GALNT18: variants seen among roughly 807,000 people sequenced by gnomAD.
GALNT18 encodes GalNAc-transferase 18.
Under a neutral mutation model 69.5 loss-of-function variants are expected in GALNT18, and 44 were observed. The observed-to-expected ratio is 0.63, with a 90% CI of 0.50 to 0.81. The LOEUF (loss-of-function observed/expected upper bound fraction) is 0.81. Among genes scored for constraint, GALNT18 ranks in the 40% least tolerant of loss-of-function variants. The probability of loss-of-function intolerance (pLI) is 0.00; values close to 1 mark genes in which losing one functional copy is unlikely to be tolerated. For synonymous variants in GALNT18, 364 were observed against 318.2 expected, an observed-to-expected ratio of 1.14 and a Z score of -1.53; for missense variants, 715 against 810.0, an observed-to-expected ratio of 0.88 and a Z score of 1.42.
chr11:11,321,006 G>A (rs1849831284), intron 9 of GALNT18, among the ~76,000 whole-genome samples: 1 of 152,122 alleles, frequency 6.6e-6, no homozygotes, highest in Non-Finnish European at 1.5e-5. Context: ...CTGTGGCTTT[G>A]GGGGATGAGG....
chr11:11,572,539 C>T (rs918411965), intron 1 of GALNT18, among the ~76,000 whole-genome samples: 6 of 152,270 alleles, frequency 3.9e-5, no homozygotes, highest in East Asian at 3.9e-4. Context: ...GCCCTGGCTC[C>T]GCTACAGTCG....
At position 11,604,920 on chromosome 11, in the gene GALNT18, A is replaced by G. The variant is rs1354200393; in HGVS notation, c.235+16439T>C. The stretch of plus-strand genomic sequence containing the variant: ...GCTCTCCTCGGTTGACCCACTGGCT[A>G]TTGCTCCTGGCCGTGAGTCTGCGGA... On this transcript the variant is annotated intron_variant, in intron 1 of 10. Transcript: ENST00000227756. The surrounding 1 kb of genome is among the most constrained non-coding windows in gnomAD (Gnocchi z 5.6). 6.6e-6 allele frequency among the ~76,000 whole-genome samples: 1 copy of G among 152,074 alleles called. No homozygotes were observed. Among genetic ancestry groups the G allele is most frequent in the African/African-American group, 2.4e-5 (1 of 41,378 alleles).
At chr11:11,508,431 C>T (rs890042983) in intron 1 of GALNT18, among the ~76,000 whole-genome samples, 1 of 152,184 alleles carries the variant, frequency 6.6e-6, no homozygotes. Context: ...TGTCAGTTTG[C>T]CCCATTATTG....
Position 11,309,230 on chromosome 11 carries a change from G to A in GALNT18, c.1513-16037C>T, listed in dbSNP as rs1259843112. ...CACAAGAAGGCCCTCACCGGATGCT[G>A]GCCCCTTGATATTGGCCTTCCCAGC... On this transcript the variant is annotated intron_variant, in intron 9 of 10. Coordinates refer to ENST00000227756, the MANE Select transcript of GALNT18 (RefSeq NM_198516.3). This position sits in a 1 kb window ranked among gnomAD's most constrained non-coding sequence, Gnocchi z 4.6. 6.6e-6 allele frequency among the ~76,000 whole-genome samples: 1 copy of A among 152,082 alleles called. No homozygotes were observed. The highest frequency in any genetic ancestry group is 1.5e-5 in the Non-Finnish European group (1 of 68,032).
chr11:11,433,522 G>C (rs1345172011), intron 2 of GALNT18, among the ~76,000 whole-genome samples: 1 of 152,224 alleles, frequency 6.6e-6, no homozygotes, highest in Admixed American at 6.5e-5. Context: ...TCTCCTTGAA[G>C]CAGAAATGGC....
In GALNT18 at chr11:11,583,895, G is replaced by C. The variant is rs537046664; in HGVS notation, c.235+37464C>G. The stretch of plus-strand genomic sequence containing the variant: ...GCAGATGATCTCAATATCATTATAA[G>C]GCCCAAATAAATGAATTATGGTCTT... On this transcript the variant is annotated intron_variant, in intron 1 of 10. Coordinates refer to ENST00000227756, the MANE Select transcript of GALNT18 (RefSeq NM_198516.3). This position sits in a 1 kb window ranked among gnomAD's most constrained non-coding sequence, Gnocchi z 4.7. Among the ~76,000 whole-genome samples the C allele has an allele frequency of 2.0e-5, 3 of 152,164 alleles. No homozygotes were observed. In the East Asian group the frequency reaches 5.8e-4, roughly 29 times the overall value.
Position 11,585,801 on chromosome 11 carries a change from G to GT in GALNT18, c.235+35557dup, listed in dbSNP as rs57051547. 1.1e-3 allele frequency among the ~76,000 whole-genome samples: 123 copies of GT among 115,852 alleles called. 3 individuals carry two copies. The highest frequency in any genetic ancestry group is 4.8e-3 in the Middle Eastern group (1 of 210). 76.0% of individuals were successfully genotyped at this position (115,852 alleles called of 152,430 possible). On this transcript the variant is annotated intron_variant, in intron 1 of 10. Transcript: ENST00000227756. Reference sequence around the variant, plus strand: ...AAAACAAGGCCACTCTTCTCAATAAGTTTTTTTTTTTTTTTTTTTTTGGCT... The same window carrying GT: ...AAAACAAGGCCACTCTTCTCAATAAGTTTTTTTTTTTTTTTTTTTTTTGGCT...
chr11:11,275,235 T>C (rs1848917748), intron 10 of GALNT18, among the ~76,000 whole-genome samples: 1 of 152,240 alleles, frequency 6.6e-6, no homozygotes, highest in Non-Finnish European at 1.5e-5. Flanking sequence ...ATGATCGCCA[T>C]TCTAACTGGT....
chr11:11,367,888 C>T (rs573239989), intron 6 of GALNT18, among the ~76,000 whole-genome samples: 1 of 152,202 alleles, frequency 6.6e-6, no homozygotes, highest in South Asian at 2.1e-4. Context: ...ACAATGGAGG[C>T]CTTTTTTTAT....
At position 11,546,642 on chromosome 11, in the gene GALNT18, C is replaced by T. The variant is rs1443321204; in HGVS notation, c.235+74717G>A. Among the ~76,000 whole-genome samples, 1 of 152,242 alleles carries T rather than the reference C, an allele frequency of 6.6e-6. No homozygotes were observed. Among genetic ancestry groups the T allele is most frequent in the Non-Finnish European group, 1.5e-5 (1 of 68,046 alleles). ...ATCCAGCCAACCTACCTAGTGTTATCTACTGTCCACATACTCTGACCTCTA... is the reference window on the plus strand; with the variant it reads ...ATCCAGCCAACCTACCTAGTGTTATTTACTGTCCACATACTCTGACCTCTA... On this transcript the variant is annotated intron_variant, in intron 1 of 10. Transcript: ENST00000227756. The surrounding 1 kb of genome is among the most constrained non-coding windows in gnomAD (Gnocchi z 5.8).
chr11:11,377,454 G>T lies in GALNT18; in HGVS notation c.780-75C>A. 5 of 1,339,332 alleles carry T rather than the reference G, an allele frequency of 3.7e-6. No individual in the cohort carries two copies. The highest frequency in any genetic ancestry group is 5.3e-6 in the Non-Finnish European group (5 of 939,772). 83.0% of individuals were successfully genotyped at this position (1,339,332 alleles called of 1,614,324 possible). ...AAATCCAGAGTAGCATCTCCTGAAG[G>T]TCCTTCCCCAGCAGAAAGAGGAAGG... On this transcript the variant is annotated intron_variant, in intron 4 of 10. Transcript: ENST00000227756. This position sits in a 1 kb window ranked among gnomAD's most constrained non-coding sequence, Gnocchi z 4.6.
intron 1 of GALNT18, among the ~76,000 whole-genome samples, chr11:11,559,242 C>T (rs539117291): frequency 6.6e-6 from 1 of 152,174 alleles, no homozygotes; most frequent in Non-Finnish European, 1.5e-5. Context: ...CTCCAAGAAG[C>T]CTCTTCCGAC....
chr11:11,405,940 A>G (rs554291035), intron 3 of GALNT18, among the ~76,000 whole-genome samples: 1 of 152,200 alleles, frequency 6.6e-6, no homozygotes, highest in African/African-American at 2.4e-5. Context: ...AGCACCTTCA[A>G]CATGGTCCTC....
intron 10 of GALNT18, among the ~76,000 whole-genome samples, chr11:11,275,964 C>G (rs1428960791): frequency 1.3e-5 from 2 of 152,120 alleles, no homozygotes; most frequent in East Asian, 1.9e-4. Context: ...AGTTAGGTAG[C>G]CTGATGCATC....
intron 1 of GALNT18, among the ~76,000 whole-genome samples, chr11:11,559,773 T>C (rs60179589): frequency 0.029 from 4,448 of 151,194 alleles, 151 homozygotes; most frequent in African/African-American, 0.084. Flanking sequence ...TGGAACAGAA[T>C]GGGATATGAT....
Position 11,439,901 on chromosome 11 carries a change from G to A in GALNT18, c.429-7114C>T, listed in dbSNP as rs1855498951. On this transcript the variant is annotated intron_variant, in intron 2 of 10. Coordinates refer to ENST00000227756, the MANE Select transcript of GALNT18 (RefSeq NM_198516.3). The surrounding 1 kb of genome is among the most constrained non-coding windows in gnomAD (Gnocchi z 4.4). ...AAGAACAGGATGATGGAGGCAGGGTGGGGATACTAAATATATCCAGGACTT... is the reference window on the plus strand; with the variant it reads ...AAGAACAGGATGATGGAGGCAGGGTAGGGATACTAAATATATCCAGGACTT... Among the ~76,000 whole-genome samples, 1 of 152,194 alleles carries A rather than the reference G, an allele frequency of 6.6e-6. No individual in the cohort carries two copies. The highest frequency in any genetic ancestry group is 2.4e-5 in the African/African-American group (1 of 41,430).
At position 11,332,784 on chromosome 11, in the gene GALNT18, C is replaced by T; in HGVS notation, c.1326G>A (p.Arg442=). 1 of 1,614,050 alleles carries T rather than the reference C, an allele frequency of 6.2e-7. No individual in the cohort carries two copies. Reference sequence around the variant, plus strand: ...GGAAGGTCTTGCACTGCAGCTGTTTCCTGAGAGCCTTCCTTGCAGTGATGT... The same window carrying T: ...GGAAGGTCTTGCACTGCAGCTGTTTTCTGAGAGCCTTCCTTGCAGTGATGT... ...IGDITARKAL[R]KQLQCKTFRW... Residue 442 remains arginine, a synonymous_variant, in exon 8 of 11, where the codon AGG becomes AGA. Transcript: ENST00000227756. The surrounding 1 kb of genome is among the most constrained non-coding windows in gnomAD (Gnocchi z 4.3).
At chr11:11,307,872 A>G (rs1849605178) in intron 9 of GALNT18, among the ~76,000 whole-genome samples, 3 of 152,218 alleles carry the variant, frequency 2.0e-5, no homozygotes. Context: ...AGCATGAAAT[A>G]CTGGAGCAAT....
intron 1 of GALNT18, among the ~76,000 whole-genome samples, chr11:11,526,057 G>A (rs189836761): frequency 3.3e-5 from 5 of 152,322 alleles, no homozygotes; most frequent in African/African-American, 1.2e-4. Flanking sequence ...AGGCTCCAGA[G>A]GCAGTGTAGA....
Sources: allele counts gnomAD v4.1 joint callset (sites outside exome capture counted in the v4.1 genomes callset), GRCh38; gene constraint gnomAD v4.1.1; non-coding constraint Gnocchi (gnomAD v3.1); transcripts MANE v1.5; gene names NCBI Gene and HGNC (gene_info 2026-07-23, HGNC 2026-07-21).